Variants in KCNK13 observed in about 807,000 individuals in gnomAD.
KCNK13 encodes the protein potassium two pore domain channel subfamily K member 13.
In KCNK13, 12 loss-of-function variants were observed where a neutral mutation model predicts 23.4. The observed-to-expected ratio is 0.51, with a 90% confidence interval of 0.33 to 0.83. The LOEUF is 0.83. Ranked by LOEUF, KCNK13 falls within the 40% of genes least tolerant of loss-of-function variation. The probability of loss-of-function intolerance (pLI) is 0.02; values close to 1 mark genes in which losing one functional copy is unlikely to be tolerated. For missense variants in KCNK13, 463 were observed against 556.3 expected (o/e 0.83, Z 1.69); for synonymous variants, 231 against 229.5 (o/e 1.01, Z -0.06).
At chr14:90,107,966 C>G (rs924489480) in intron 1 of KCNK13, 3 of 728,258 alleles carry the variant, frequency 4.1e-6, no homozygotes, top group Admixed American at 3.5e-5. Context: ...ACTGCTGACG[C>G]GGCTAAAGCA....
At chr14:90,143,863 G>A (rs1363090697) in intron 1 of KCNK13, among the ~76,000 whole-genome samples, 1 of 152,328 alleles carries the variant, frequency 6.6e-6, no homozygotes, top group East Asian at 1.9e-4. Flanking sequence ...GCCTGCAACT[G>A]ACTGACACTA....
chr14:90,134,999 C>A (rs190423258), intron 1 of KCNK13, among the ~76,000 whole-genome samples: 1 of 152,136 alleles, frequency 6.6e-6, no homozygotes, highest in Admixed American at 6.5e-5. Flanking sequence ...GAGTTTTTAC[C>A]CCGCTTCCAA....
At chr14:90,173,822 C>T (rs188875639) in intron 1 of KCNK13, among the ~76,000 whole-genome samples, 4 of 152,090 alleles carry the variant, frequency 2.6e-5, no homozygotes, top group African/African-American at 7.2e-5. Flanking sequence ...TGTATTAGTC[C>T]GTTTTCACAC....
intron 1 of KCNK13, among the ~76,000 whole-genome samples, chr14:90,129,024 ACT>A: frequency 6.6e-6 from 1 of 152,064 alleles, no homozygotes; most frequent in Non-Finnish European, 1.5e-5. Flanking sequence ...CAAAATTTAT[ACT>A]TTTATCACAT....
intron 1 of KCNK13, among the ~76,000 whole-genome samples, chr14:90,130,193 T>TTTATTTATTTA (rs1889851092): frequency 6.7e-6 from 1 of 149,878 alleles, no homozygotes; most frequent in East Asian, 2.0e-4. Context: ...TATTTATTTA[T>TTTATTTATTTA]TTATTTATTT....
intron 1 of KCNK13, among the ~76,000 whole-genome samples, chr14:90,066,919 T>G (rs1889016281): frequency 6.6e-6 from 1 of 152,070 alleles, no homozygotes; most frequent in Admixed American, 6.5e-5. Context: ...CATCAACGGA[T>G]GAATGAATTA....
intron 1 of KCNK13, among the ~76,000 whole-genome samples, chr14:90,120,600 C>T (rs544603332): frequency 2.4e-4 from 37 of 152,302 alleles, no homozygotes; most frequent in African/African-American, 8.4e-4. Context: ...AACTCACTCA[C>T]TATCATGTGA....
intron 1 of KCNK13, among the ~76,000 whole-genome samples, chr14:90,178,032 T>G (rs2140447616): frequency 6.6e-6 from 1 of 152,278 alleles, no homozygotes; most frequent in Admixed American, 6.5e-5. Flanking sequence ...GTTGCTCTGC[T>G]TTTTTCCACT....
chr14:90,098,020 A>C (rs2140404598), intron 1 of KCNK13, among the ~76,000 whole-genome samples: 1 of 152,284 alleles, frequency 6.6e-6, no homozygotes, highest in Admixed American at 6.5e-5. Context: ...TCCAGGGCAG[A>C]AACTTCCCTC....
chr14:90,157,733 G>A (rs1289107845), intron 1 of KCNK13, among the ~76,000 whole-genome samples: 4 of 89,872 alleles, frequency 4.5e-5, no homozygotes, highest in African/African-American at 1.7e-4. Flanking sequence ...ACAGAGTCTT[G>A]CTCTGTCACC....
At chr14:90,133,187 C>T (rs2140423810) in intron 1 of KCNK13, among the ~76,000 whole-genome samples, 1 of 152,322 alleles carries the variant, frequency 6.6e-6, no homozygotes, top group South Asian at 2.1e-4. Context: ...ACAAATCTAC[C>T]TCTGAGGTAG....
rs138010348 is a variant in KCNK13 at position 90,148,654 on chromosome 14, G to A, written c.335-35457G>A. Among the ~76,000 whole-genome samples the A allele has an allele frequency of 6.9e-3, 1,044 of 152,280 alleles. 9 individuals carry two copies. Among genetic ancestry groups the A allele is most frequent in the Non-Finnish European group, 0.012 (820 of 68,022 alleles). On this transcript the variant is annotated intron_variant, in intron 1 of 1. Transcript: ENST00000282146. ...CAGAAGCTCTGCTGCGCAGTGGGAG[G>A]GATCAGAAGGTGGCGGGGAAAGTTC...
At chr14:90,102,589 C>T (rs577296478) in intron 1 of KCNK13, among the ~76,000 whole-genome samples, 1 of 152,162 alleles carries the variant, frequency 6.6e-6, no homozygotes, top group Non-Finnish European at 1.5e-5. Context: ...AGTAGAGTCT[C>T]TCCCATGACC....
At chr14:90,096,702 A>G (rs189893925) in intron 1 of KCNK13, among the ~76,000 whole-genome samples, 217 of 152,326 alleles carry the variant, frequency 1.4e-3, no homozygotes, top group African/African-American at 5.1e-3. Flanking sequence ...AGCAAATTTG[A>G]GACTCACAAC....
intron 1 of KCNK13, among the ~76,000 whole-genome samples, chr14:90,147,211 G>A (rs916949273): frequency 5.3e-5 from 8 of 152,094 alleles, no homozygotes; most frequent in African/African-American, 1.9e-4. Context: ...TTCTATCATA[G>A]TCAGATGTGG....
intron 1 of KCNK13, among the ~76,000 whole-genome samples, chr14:90,109,982 A>G (rs995957513): frequency 6.6e-6 from 1 of 152,160 alleles, no homozygotes; most frequent in South Asian, 2.1e-4. Context: ...TGCTGGGATT[A>G]TAGGCGTGAA....
intron 1 of KCNK13, among the ~76,000 whole-genome samples, chr14:90,128,798 C>CT (rs1462534008): frequency 2.6e-5 from 4 of 152,096 alleles, no homozygotes; most frequent in South Asian, 2.1e-4. Context: ...CCCCATTCCC[C>CT]TTTTTTAAAA....
chr14:90,117,450 C>T (rs28866568), intron 1 of KCNK13, among the ~76,000 whole-genome samples: 40,994 of 151,820 alleles, frequency 0.27, 5,737 homozygotes, highest in East Asian at 0.37. Context: ...ATTAGCCAGG[C>T]GTGGTGGCGC....
intron 1 of KCNK13, among the ~76,000 whole-genome samples, chr14:90,130,930 C>T (rs4371096): frequency 0.42 from 63,168 of 152,022 alleles, 14,359 homozygotes; most frequent in East Asian, 0.86. Context: ...CTTTCGTCAG[C>T]GAGACCCAAG....
Sources: allele counts gnomAD v4.1 joint callset (sites outside exome capture counted in the v4.1 genomes callset), GRCh38; gene constraint gnomAD v4.1.1; transcripts MANE v1.5; gene names NCBI Gene and HGNC (gene_info 2026-07-23, HGNC 2026-07-21).